The following CCNB2 variants were observed in gnomAD, a reference collection of about 807,000 sequenced individuals.
CCNB2 encodes the protein cyclin B2, also known as G2/mitotic-specific cyclin-B2.
In CCNB2, 39 loss-of-function variants were observed where a neutral mutation model predicts 51.1. The ratio of observed to expected loss-of-function variants is 0.76; its 90% confidence interval spans 0.59 to 1.00. The LOEUF (loss-of-function observed/expected upper bound fraction) is 1.00, where lower values mean the gene tolerates loss of function less well. Ranked by LOEUF, CCNB2 falls within the 50% of genes least tolerant of loss-of-function variation. The probability of loss-of-function intolerance (pLI) is 0.00; values close to 1 mark genes in which losing one functional copy is unlikely to be tolerated. For missense variants in CCNB2, 472 were observed against 470.3 expected, an observed-to-expected ratio of 1.00 and a Z score of -0.03; for synonymous variants, 174 against 165.5, an observed-to-expected ratio of 1.05 and a Z score of -0.40.
At chr15:59,114,354 G>T in intron 3 of CCNB2, 90 bp from the exon 4 acceptor site, 1 of 885,872 alleles carries the variant, frequency 1.1e-6, no homozygotes, top group Non-Finnish European at 1.7e-6. Context: ...TATTTCAGAT[G>T]TGCGTATGAT....
intron 5 of CCNB2, 108 bp downstream of exon 5, chr15:59,114,984 A>C: frequency 8.4e-7 from 1 of 1,187,012 alleles, no homozygotes; most frequent in Non-Finnish European, 1.2e-6. Flanking sequence ...ACCAAAAATC[A>C]AATTGTGAGA....
chr15:59,117,195 T>C (rs2079282706), intron 6 of CCNB2, 33 bp from the exon 7 acceptor site: 2 of 1,601,332 alleles, frequency 1.2e-6, no homozygotes, highest in South Asian at 1.1e-5. Context: ...ATTACACTTG[T>C]GATTCTTACT....
At chr15:59,123,673 G>T (rs1282058389) in intron 8 of CCNB2, 46 bp downstream of exon 8, 2 of 1,162,732 alleles carry the variant, frequency 1.7e-6, no homozygotes, top group Admixed American at 3.7e-5. Context: ...TTAGGTTCTG[G>T]GTTTTGTGTG....
chr15:59,117,041 T>A, intron 6 of CCNB2, 115 bp downstream of exon 6: 1 of 1,003,592 alleles, frequency 1.0e-6, no homozygotes, highest in Non-Finnish European at 1.5e-6. Flanking sequence ...TAAGTCTTAA[T>A]GCTTTCCTCA....
intron 7 of CCNB2, among the ~76,000 whole-genome samples, chr15:59,122,829 C>T (rs2079308919): frequency 6.6e-6 from 1 of 152,222 alleles, no homozygotes; most frequent in South Asian, 2.1e-4. Flanking sequence ...AGCCACTGTG[C>T]CCCGCCAATT....
chr15:59,123,764 T>C (rs1484371750), intron 8 of CCNB2, 137 bp downstream of exon 8: 5 of 630,774 alleles, frequency 7.9e-6, no homozygotes, highest in African/African-American at 7.4e-5. Flanking sequence ...AAATCCTTTA[T>C]CCTTTATATT....
chr15:59,105,304 CG>C lies in CCNB2; in HGVS notation c.24+16del. 1.9e-6 allele frequency: 3 copies of C among 1,558,590 alleles called. No individual in the cohort carries two copies. The highest frequency in any genetic ancestry group is 8.7e-7 in the Non-Finnish European group (1 of 1,155,518). ...TCCGACGCCCGACGGTGAGTGTGCC[CG>C]GGGACCGCTCTCAGAGGCGAGTCCG... On this transcript the variant is annotated intron_variant, in intron 1 of 8. Transcript: ENST00000288207.
At chr15:59,124,273 C>T (rs1441531763) in intron 8 of CCNB2, 1 of 168,174 alleles carries the variant, frequency 5.9e-6, no homozygotes, top group Non-Finnish European at 1.3e-5. Flanking sequence ...ATTTGAACCT[C>T]AGAAGAGTCT....
intron 7 of CCNB2, 99 bp from the exon 8 acceptor site, chr15:59,123,418 A>G (rs1473875033): frequency 1.2e-5 from 8 of 689,752 alleles, no homozygotes; most frequent in East Asian, 2.7e-5. Flanking sequence ...CAGCTTTTAC[A>G]TAAGTAATGT....
At chr15:59,111,856 C>CTTTTTTTT (rs11327656) in intron 3 of CCNB2, among the ~76,000 whole-genome samples, 16 of 133,962 alleles carry the variant, frequency 1.2e-4, no homozygotes, top group Non-Finnish European at 1.9e-4. Context: ...TTCTTTCTTT[C>CTTTTTTTT]TTTTTTTTTT....
At chr15:59,121,560 G>A (rs1443040833) in intron 7 of CCNB2, 1 of 152,178 alleles carries the variant, frequency 6.6e-6, no homozygotes, top group African/African-American at 2.4e-5. Context: ...AGTTTTGGAG[G>A]CTGAGGCAGA....
chr15:59,105,209 C>T lies in CCNB2; in HGVS notation c.-60C>T, dbSNP rs28383493. On this transcript the variant is annotated 5_prime_UTR_variant, in exon 1 of 9. Coordinates refer to ENST00000288207, the MANE Select transcript of CCNB2 (RefSeq NM_004701.4). ...ACGGCGCCTCGTACGCTAGTGTCCTCCCTTTTCAGTCCGCGTCCCTCCCTG... is the reference window on the plus strand; with the variant it reads ...ACGGCGCCTCGTACGCTAGTGTCCTTCCTTTTCAGTCCGCGTCCCTCCCTG... 2,032 of 1,524,644 alleles carry T rather than the reference C, an allele frequency of 1.3e-3. 37 individuals carry two copies. The South Asian group carries it at 0.023, about 17-fold the overall frequency. 94.4% of individuals were successfully genotyped at this position (1,524,644 alleles called of 1,614,324 possible). A position where few individuals can be genotyped will look rare whatever the true frequency, so the allele number is the denominator to read the frequency against.
intron 3 of CCNB2, among the ~76,000 whole-genome samples, chr15:59,109,843 G>A (rs1399902535): frequency 1.3e-5 from 2 of 152,020 alleles, no homozygotes; most frequent in Non-Finnish European, 2.9e-5. Context: ...AAAATTAGCC[G>A]GGCGAGGTGG....
rs539408437 is a variant in CCNB2 at position 59,107,552 on chromosome 15, T to C, written c.154-5T>C. On this transcript the variant is annotated splice_polypyrimidine_tract_variant and splice_region_variant and intron_variant, in intron 2 of 8. Coordinates refer to ENST00000288207, the MANE Select transcript of CCNB2 (RefSeq NM_004701.4). Reference sequence around the variant, plus strand: ...TGCGCTATTCATGTTTCTTTTTCCTTATAGAAAGCTCAGAACACCAAAGTT... The same window carrying C: ...TGCGCTATTCATGTTTCTTTTTCCTCATAGAAAGCTCAGAACACCAAAGTT... 52 of 1,614,108 alleles carry C rather than the reference T, an allele frequency of 3.2e-5. No individual in the cohort carries two copies. In the East Asian group the frequency reaches 1.1e-3, roughly 35 times the overall value.
At chr15:59,108,437 A>G (rs538827034) in intron 3 of CCNB2, among the ~76,000 whole-genome samples, 1 of 152,320 alleles carries the variant, frequency 6.6e-6, no homozygotes, top group South Asian at 2.1e-4. Flanking sequence ...AGAGCTGATG[A>G]GGGTCTGGAG....
Position 59,107,461 on chromosome 15 carries a change from T to A in CCNB2, c.153+11T>A. ...GCACAAGTAGCTAAGGTAACAATGA[T>A]GAAGACTGAATGTGAATACAGAGGC... On this transcript the variant is annotated intron_variant, in intron 2 of 8. Coordinates refer to ENST00000288207, the MANE Select transcript of CCNB2 (RefSeq NM_004701.4). 6.2e-7 allele frequency: 1 copy of A among 1,614,154 alleles called. No homozygotes were observed. Among genetic ancestry groups the A allele is most frequent in the South Asian group, 1.1e-5 (1 of 91,070 alleles).
At chr15:59,114,336 CTT>C in intron 3 of CCNB2, 106 bp from the exon 4 acceptor site, 1 of 787,522 alleles carries the variant, frequency 1.3e-6, no homozygotes, top group Non-Finnish European at 2.0e-6. Context: ...TTTGTTGTGT[CTT>C]TAACATATTT....
chr15:59,124,847 C>G lies in CCNB2; in HGVS notation c.1167C>G (p.Asp389Glu). The change falls in exon 9 of 9, where the codon GAC becomes GAG. Residue 389 changes from aspartate to glutamate, a missense_variant. Asp to Glu is a conservative substitution (Grantham distance 45). Transcript: ENST00000288207. The part of the protein sequence containing the change: ...IPQLNSKAVK[D>E]LASPLIGRS The stretch of plus-strand genomic sequence containing the variant: ...AGCTGAACTCAAAAGCCGTCAAAGA[C>G]CTTGCCTCCCCACTGATAGGAAGGT... 1 of 1,603,074 alleles carries G rather than the reference C, an allele frequency of 6.2e-7. No individual in the cohort carries two copies.
chr15:59,123,761 T>G lies in CCNB2; in HGVS notation c.1086+134T>G, dbSNP rs550854016. 38 of 634,622 alleles carry G rather than the reference T, an allele frequency of 6.0e-5. 1 individual carries two copies. The African/African-American group carries it at 6.1e-4, about 10-fold the overall frequency. 39.3% of individuals were successfully genotyped at this position (634,622 alleles called of 1,614,324 possible). A position where few individuals can be genotyped will look rare whatever the true frequency, so the allele number is the denominator to read the frequency against. On this transcript the variant is annotated intron_variant, in intron 8 of 8. Transcript: ENST00000288207. ...ATGTGGGAGTTTTAGCACAAATCCT[T>G]TATCCTTTATATTTTTCTGGTACAG...
Sources: gnomAD v4.1 joint callset for allele counts (sites outside exome capture counted in the v4.1 genomes callset) on GRCh38, gnomAD v4.1.1 for gene constraint, MANE v1.5 for transcripts, NCBI Gene and HGNC (gene_info 2026-07-23, HGNC 2026-07-21) for gene names.